Variants in PRSS56 observed in about 807,000 individuals in gnomAD.
The protein encoded by PRSS56 is serine protease 56, also known as protease, serine 56.
In PRSS56, 55 loss-of-function variants were observed where a neutral mutation model predicts 66.8. That is an observed-to-expected ratio of 0.82 (90% CI 0.66 to 1.03). The LOEUF is 1.03. Among genes scored for constraint, PRSS56 ranks in the 50% least tolerant of loss-of-function variants. The pLI is 0.00. For synonymous variants in PRSS56, 409 were observed against 387.9 expected, an observed-to-expected ratio of 1.05 and a Z score of -0.64; for missense variants, 869 against 837.2, an observed-to-expected ratio of 1.04 and a Z score of -0.47.
Position 232,521,333 on chromosome 2 carries a change from AG to A in PRSS56, c.114del (p.Thr39LeufsTer15), listed in dbSNP as rs1559288420. On this transcript the variant is annotated frameshift_variant, in exon 2 of 13. Coordinates refer to ENST00000617714, the MANE Select transcript of PRSS56 (RefSeq NM_001195129.2). LOFTEE classifies it high-confidence loss of function. ...CCTGTCCCAGCAGTTCTGTCGGCCC[AG>A]GGGACTCAGGCGTTGCAGGCAGCCC... ...PPSALQVLSA[Q>X]GTQALQAAQR... 2.0e-6 allele frequency: 3 copies of A among 1,536,002 alleles called. No individual in the cohort carries two copies. The highest frequency in any genetic ancestry group is 2.6e-6 in the Non-Finnish European group (3 of 1,146,798).
intron 4 of PRSS56, 140 bp downstream of exon 4, chr2:232,522,300 T>C (rs2106200939): frequency 2.2e-6 from 2 of 907,460 alleles, no homozygotes; most frequent in Non-Finnish European, 3.0e-6. Context: ...CTTCCCCATC[T>C]CAAGGCGCCG....
intron 3 of PRSS56, 37 bp downstream of exon 3, chr2:232,521,903 G>T (rs753610205): frequency 6.5e-7 from 1 of 1,529,986 alleles, no homozygotes; most frequent in South Asian, 1.2e-5. Context: ...AGGCCTGAGA[G>T]CCGGGTGGGC....
chr2:232,522,087 G>T lies in PRSS56; in HGVS notation c.373G>T (p.Gly125Cys). 6.6e-7 allele frequency: 1 copy of T among 1,517,268 alleles called. No individual in the cohort carries two copies. Among genetic ancestry groups the T allele is most frequent in the Middle Eastern group, 1.7e-4 (1 of 5,716 alleles). 94.0% of individuals were successfully genotyped at this position (1,517,268 alleles called of 1,614,324 possible). A position where few individuals can be genotyped will look rare whatever the true frequency, so the allele number is the denominator to read the frequency against. ...AWPWLVRLQL[G>C]GQPLCGGVLV... ...GCCCTGGCTGGTGAGGCTGCAGCTC[G>T]GCGGGCAGCCTCTGTGCGGCGGCGT... Residue 125 changes from glycine (G) to cysteine (C), a missense_variant, in exon 4 of 13, where the codon GGC (glycine) becomes TGC (cysteine). This residue lies in a region of PRSS56 where 315 missense variants were observed against 313.7 expected (regional missense o/e 1.00). Transcript: ENST00000617714.
At chr2:232,524,420 A>C (rs1462677273) in intron 11 of PRSS56, 51 bp downstream of exon 11, 8 of 1,510,018 alleles carry the variant, frequency 5.3e-6, no homozygotes, top group Non-Finnish European at 7.1e-6. Flanking sequence ...GAGGGCCTGG[A>C]CGAGGTCGGA....
rs1364091523 is a variant in PRSS56, at chr2:232,524,383, C to T, written c.1414+14C>T. On this transcript the variant is annotated intron_variant, in intron 11 of 12. Coordinates refer to ENST00000617714, the MANE Select transcript of PRSS56 (RefSeq NM_001195129.2). ...GAGAAGCCAACGGTAATGACGCCCC[C>T]TGCCGACCTTCAGGAGGGGATAGGC... The T allele has an allele frequency of 4.6e-6, 7 of 1,533,970 alleles. No homozygotes were observed. The highest frequency in any genetic ancestry group is 2.4e-5 in the South Asian group (2 of 83,792).
rs1691379933 is a variant in PRSS56, at chr2:232,524,751, G to A, written c.1428G>A (p.Leu476=). ...PRGEANGCPG[L]EPLRQKLAAL... is the part of the protein sequence containing the mutation. The stretch of plus-strand genomic sequence containing the variant: ...CTCTTCCTCCAGGCTGCCCTGGGCT[G>A]GAGCCCCTGCGACAGAAGTTGGCTG... Residue 476 remains leucine (L), a synonymous_variant, in exon 12 of 13, where the codon CTG becomes CTA. Coordinates refer to ENST00000617714, the MANE Select transcript of PRSS56 (RefSeq NM_001195129.2). 6.5e-7 allele frequency: 1 copy of A among 1,526,804 alleles called. No homozygotes were observed. Among genetic ancestry groups the A allele is most frequent in the East Asian group, 2.5e-5 (1 of 40,532 alleles). 94.6% of individuals were successfully genotyped at this position (1,526,804 alleles called of 1,614,324 possible).
In PRSS56 at chr2:232,525,697, T is replaced by C; in HGVS notation, c.*191T>C. Reference sequence around the variant, plus strand: ...AGAATCACAGCTGCTTTAATAAATGTTATTTATAATACACGGAAACAACTC... The same window carrying C: ...AGAATCACAGCTGCTTTAATAAATGCTATTTATAATACACGGAAACAACTC... On this transcript the variant is annotated 3_prime_UTR_variant, in exon 13 of 13. Coordinates refer to ENST00000617714, the MANE Select transcript of PRSS56 (RefSeq NM_001195129.2). 1 of 536,448 alleles carries C rather than the reference T, an allele frequency of 1.9e-6. No individual in the cohort carries two copies. The highest frequency in any genetic ancestry group is 3.2e-5 in the East Asian group (1 of 31,554). The allele number at this position is 536,448 out of a possible 1,614,324, so 33.2% of individuals were successfully genotyped here. A position where few individuals can be genotyped will look rare whatever the true frequency, so the allele number is the denominator to read the frequency against.
At chr2:232,524,904 A>G (rs1173508204) in intron 12 of PRSS56, 60 bp downstream of exon 12, 1 of 1,352,622 alleles carries the variant, frequency 7.4e-7, no homozygotes, top group East Asian at 2.5e-5. Context: ...GACCCAGCCC[A>G]GGGAAGATGC....
Position 232,524,102 on chromosome 2 carries a change from C to G in PRSS56, c.1250C>G (p.Pro417Arg), listed in dbSNP as rs1250225047. Residue 417 changes from proline (P) to arginine (R), a missense_variant, in exon 10 of 13, where the codon CCT (proline) becomes CGT (arginine). By Grantham distance (103) the Pro-to-Arg change is moderately radical (BLOSUM62 -2). Coordinates refer to ENST00000617714, the MANE Select transcript of PRSS56 (RefSeq NM_001195129.2). ...LLRNAQELLG[P>R]RPGLRRLAPA... ...CGGAACGCGCAGGAGCTGCTCGGGC[C>G]TCGTCCGGGACTGCGGCGCCTGGCC... is the stretch of plus-strand genomic sequence containing the variant. 3 of 1,521,826 alleles carry G rather than the reference C, an allele frequency of 2.0e-6. No homozygotes were observed. Among genetic ancestry groups the G allele is most frequent in the Non-Finnish European group, 2.6e-6 (3 of 1,141,356 alleles). The allele number at this position is 1,521,826 out of a possible 1,614,324, so 94.3% of individuals were successfully genotyped here.
rs1442440015 is a variant in PRSS56 at position 232,522,831 on chromosome 2, G to A, written c.676G>A (p.Ala226Thr). Residue 226 changes from alanine (A) to threonine (T), a missense_variant, in exon 6 of 13, where the codon GCC becomes ACC. Ala to Thr is a moderately conservative substitution (Grantham distance 58). This residue lies in a region of PRSS56 where 315 missense variants were observed against 313.7 expected (regional missense o/e 1.00). Coordinates refer to ENST00000617714, the MANE Select transcript of PRSS56 (RefSeq NM_001195129.2). The stretch of plus-strand genomic sequence containing the variant: ...GGAGCCCCCTGCCGGAACCGCCTGC[G>A]CCATCGCGGGCTGGGGCGCCCTCTT... ...PQEPPAGTACAIAGWGALFED... is the reference protein window; with the variant it reads ...PQEPPAGTACTIAGWGALFED... 62 of 1,476,380 alleles carry A rather than the reference G, an allele frequency of 4.2e-5. No homozygotes were observed. Among genetic ancestry groups the A allele is most frequent in the Non-Finnish European group, 5.4e-5 (60 of 1,115,042 alleles). 91.5% of individuals were successfully genotyped at this position (1,476,380 alleles called of 1,614,324 possible). A position where few individuals can be genotyped will look rare whatever the true frequency, so the allele number is the denominator to read the frequency against.
intron 2 of PRSS56, among the ~76,000 whole-genome samples, 184 bp downstream of exon 2, chr2:232,521,612 G>C (rs900086432): frequency 1.3e-4 from 20 of 152,366 alleles, no homozygotes; most frequent in Middle Eastern, 3.4e-3. Flanking sequence ...TAGGCTTGGG[G>C]CATGGCCTGT....
intron 5 of PRSS56, 41 bp downstream of exon 5, chr2:232,522,655 AC>A: frequency 2.6e-6 from 4 of 1,531,102 alleles, no homozygotes; most frequent in Non-Finnish European, 3.5e-6. Context: ...TGGGCACCGC[AC>A]CCCCACCCGT....
chr2:232,521,054 G>A (rs576918242), intron 1 of PRSS56, among the ~76,000 whole-genome samples: 2 of 152,338 alleles, frequency 1.3e-5, no homozygotes, highest in East Asian at 3.9e-4. Context: ...CTGTATCTTT[G>A]GGGTGGTGTC....
rs1216596607 is a variant in PRSS56 at position 232,521,975 on chromosome 2, G to T, written c.261G>T (p.Pro87=). Residue 87 remains proline (P), a synonymous_variant, in exon 4 of 13, where the codon CCG becomes CCT. Coordinates refer to ENST00000617714, the MANE Select transcript of PRSS56 (RefSeq NM_001195129.2). ...ALLQDPPEPG[P]CGERRPSTAN... ...ACACCCCTTGCCCCTTTCTAGGGCC[G>T]TGCGGCGAGAGGCGTCCGAGCACTG... 1 of 1,469,902 alleles carries T rather than the reference G, an allele frequency of 6.8e-7. No homozygotes were observed. The allele number at this position is 1,469,902 out of a possible 1,614,324, so 91.1% of individuals were successfully genotyped here. A position where few individuals can be genotyped will look rare whatever the true frequency, so the allele number is the denominator to read the frequency against.
intron 4 of PRSS56, 83 bp downstream of exon 4, chr2:232,522,243 G>A (rs1461729136): frequency 7.9e-7 from 1 of 1,268,236 alleles, no homozygotes. Flanking sequence ...CGGGCGACGC[G>A]CGGGAAAGGT....
chr2:232,523,331 C>G (rs2106201740), intron 7 of PRSS56, 85 bp from the exon 8 acceptor site: 1 of 1,423,570 alleles, frequency 7.0e-7, no homozygotes, highest in East Asian at 2.6e-5. Context: ...AAAATGGACA[C>G]AAGTGGCAAG....
intron 4 of PRSS56, 44 bp from the exon 5 acceptor site, chr2:232,522,471 G>A (rs940530723): frequency 6.8e-7 from 1 of 1,469,016 alleles, no homozygotes; most frequent in African/African-American, 1.4e-5. Context: ...CCTGCGGGGT[G>A]TGCCCCTGTC....
rs978763393 is a variant in PRSS56, at chr2:232,522,287, G to C, written c.446+127G>C. ...CTGCCCCCTGGCGGCGGCCGGCCCC[G>C]GGCTTCCCCATCTCAAGGCGCCGCG... On this transcript the variant is annotated intron_variant, in intron 4 of 12. Transcript: ENST00000617714. The C allele has an allele frequency of 6.9e-6, 7 of 1,008,852 alleles. No homozygotes were observed. In the African/African-American group the frequency reaches 1.2e-4, roughly 17 times the overall value. The allele number at this position is 1,008,852 out of a possible 1,614,324, so 62.5% of individuals were successfully genotyped here.
Position 232,522,798 on chromosome 2 carries a change from G to T in PRSS56, c.643G>T (p.Glu215Ter). 1 of 1,503,566 alleles carries T rather than the reference G, an allele frequency of 6.7e-7. No individual in the cohort carries two copies. Among genetic ancestry groups the T allele is most frequent in the Non-Finnish European group, 8.9e-7 (1 of 1,127,052 alleles). The allele number at this position is 1,503,566 out of a possible 1,614,324, so 93.1% of individuals were successfully genotyped here. ...GSARPVCLPQ[E>*]PQEPPAGTAC... is the part of the protein sequence containing the mutation. ...GGCGCGCCCCGTGTGCCTGCCCCAG[G>T]AGCCCCAGGAGCCCCCTGCCGGAAC... is the stretch of plus-strand genomic sequence containing the variant. The change falls in exon 6 of 13, where the codon GAG becomes TAG. Residue 215 changes from glutamate (E) to a stop codon, truncating the protein, a stop_gained. Transcript: ENST00000617714. LOFTEE classifies it high-confidence loss of function.
Sources: gnomAD v4.1 joint callset for allele counts (sites outside exome capture counted in the v4.1 genomes callset) on GRCh38, gnomAD v4.1.1 for gene constraint, gnomAD v4.1.1 regional missense constraint, MANE v1.5 for transcripts, NCBI Gene and HGNC (gene_info 2026-07-23, HGNC 2026-07-21) for gene names.